TRPC5: variants seen among roughly 807,000 people sequenced by gnomAD.
TRPC5 encodes short transient receptor potential channel 5.
Under a neutral mutation model 56.5 loss-of-function variants are expected in TRPC5, and 9 were observed. The ratio of observed to expected loss-of-function variants is 0.16; its 90% CI spans 0.10 to 0.28. The LOEUF (loss-of-function observed/expected upper bound fraction) is 0.28. Ranked by LOEUF, TRPC5 falls within the 10% of genes least tolerant of loss-of-function variation. TRPC5 has a pLI of 1.00. For missense variants in TRPC5, 469 were observed against 748.9 expected (o/e 0.63, Z 4.36); for synonymous variants, 282 against 278.5 (o/e 1.01, Z -0.13).
intron 1 of TRPC5, among the ~76,000 whole-genome samples, chrX:111,971,418 T>C (rs1927781563): frequency 9.0e-6 from 1 of 111,518 alleles, no homozygotes; most frequent in Non-Finnish European, 1.9e-5. Flanking sequence ...CTTTTGACAC[T>C]GGGGCGGGGG....
At chrX:112,019,795 A>T in intron 1 of TRPC5, among the ~76,000 whole-genome samples, 2 of 111,315 alleles carry the variant, frequency 1.8e-5, no homozygotes. Context: ...GCCTTCTGGT[A>T]GTGATCATTG....
chrX:111,778,503 A>G (rs1341413967), intron 10 of TRPC5, among the ~76,000 whole-genome samples: 1 of 111,290 alleles, frequency 9.0e-6, no homozygotes, highest in Non-Finnish European at 1.9e-5. Flanking sequence ...GGTCTTGGGG[A>G]CAAAATTGCC....
chrX:111,833,356 A>C (rs752839213), intron 7 of TRPC5, among the ~76,000 whole-genome samples: 1 of 111,419 alleles, frequency 9.0e-6, no homozygotes, highest in Non-Finnish European at 1.9e-5. Flanking sequence ...TCAAGAGGGA[A>C]AAGTAAGTTA....
intron 1 of TRPC5, among the ~76,000 whole-genome samples, chrX:111,952,967 A>C (rs1188494860): frequency 8.9e-6 from 1 of 111,886 alleles, no homozygotes; most frequent in African/African-American, 3.3e-5. Flanking sequence ...AGTGATGCAA[A>C]GTTGGAAATC....
At chrX:111,872,023 C>T (rs1422394494) in intron 3 of TRPC5, among the ~76,000 whole-genome samples, 1 of 112,231 alleles carries the variant, frequency 8.9e-6, no homozygotes, top group East Asian at 2.8e-4. Flanking sequence ...CCTTTCCTCA[C>T]ACCTGTCTGC....
chrX:111,831,488 T>C (rs970702781), intron 7 of TRPC5, among the ~76,000 whole-genome samples: 1 of 111,746 alleles, frequency 8.9e-6, no homozygotes, highest in African/African-American at 3.3e-5. Flanking sequence ...CCTGCTATCT[T>C]GTGTTGCCAG....
intron 1 of TRPC5, among the ~76,000 whole-genome samples, chrX:112,067,174 G>A (rs893760000): frequency 8.9e-6 from 1 of 112,000 alleles, no homozygotes; most frequent in Non-Finnish European, 1.9e-5. Context: ...ATTCCTGCCT[G>A]CTTTCATCAC....
At position 111,772,522 on chromosome X, in the gene TRPC5, C is replaced by G. The variant is rs1945849244; in HGVS notation, c.*3791G>C. Among the ~76,000 whole-genome samples, 1 of 111,561 alleles carries G rather than the reference C, an allele frequency of 9.0e-6. No individual in the cohort carries two copies. The highest frequency in any genetic ancestry group is 1.9e-5 in the Non-Finnish European group (1 of 53,152). On this transcript the variant is annotated 3_prime_UTR_variant, in exon 11 of 11. Transcript: ENST00000262839. ...GATCTCAGTGCACTGCAACCTCTGC[C>G]TCCCAGGTTCAAGTGATTCTCATGC...
intron 3 of TRPC5, among the ~76,000 whole-genome samples, chrX:111,881,688 T>A (rs1172435271): frequency 9.0e-6 from 1 of 110,830 alleles, no homozygotes; most frequent in Non-Finnish European, 1.9e-5. Context: ...CTATAAGCAG[T>A]CTGTTTCCTG....
At chrX:111,833,405 G>C (rs1922469294) in intron 7 of TRPC5, among the ~76,000 whole-genome samples, 1 of 110,933 alleles carries the variant, frequency 9.0e-6, no homozygotes, top group Admixed American at 9.6e-5. Flanking sequence ...ACCATGATTA[G>C]AGTCCCTGGT....
intron 2 of TRPC5, among the ~76,000 whole-genome samples, chrX:111,929,555 G>T (rs2063734020): frequency 8.9e-6 from 1 of 112,345 alleles, no homozygotes; most frequent in African/African-American, 3.2e-5. Flanking sequence ...TTTTATGCTA[G>T]AAATGTGTCA....
chrX:112,044,412 C>T (rs1929970814), intron 1 of TRPC5, among the ~76,000 whole-genome samples: 1 of 111,820 alleles, frequency 8.9e-6, no homozygotes, highest in African/African-American at 3.2e-5. Context: ...TTTATTCTAG[C>T]TTGGGAAAAT....
intron 1 of TRPC5, among the ~76,000 whole-genome samples, chrX:112,075,232 G>A (rs181489981): frequency 9.8e-5 from 11 of 112,180 alleles, no homozygotes; most frequent in Non-Finnish European, 2.1e-4. Context: ...TTCAGGCCAC[G>A]TTCAGCATAA....
chrX:112,049,436 C>T (rs767224427), intron 1 of TRPC5, among the ~76,000 whole-genome samples: 9,428 of 105,213 alleles, frequency 0.09, 546 homozygotes, highest in African/African-American at 0.19. Flanking sequence ...TATATATACA[C>T]ACACACACAC....
chrX:111,907,125 A>AAG (rs1925655763), intron 3 of TRPC5, among the ~76,000 whole-genome samples: 2 of 109,861 alleles, frequency 1.8e-5, no homozygotes, highest in African/African-American at 6.6e-5. Context: ...AAAAAAAAAA[A>AAG]AAAGAAAATG....
At chrX:111,964,450 T>A (rs59506273) in intron 1 of TRPC5, among the ~76,000 whole-genome samples, 15,934 of 111,078 alleles carry the variant, frequency 0.14, 2,236 homozygotes, top group African/African-American at 0.44. Flanking sequence ...CAGGCCAACA[T>A]TCAGATTCAG....
intron 1 of TRPC5, among the ~76,000 whole-genome samples, chrX:111,971,079 C>T (rs2148648456): frequency 9.0e-6 from 1 of 111,591 alleles, no homozygotes; most frequent in African/African-American, 3.3e-5. Context: ...CGCCCGGCCA[C>T]ATTACCGCTT....
chrX:112,082,016 G>C lies in TRPC5; in HGVS notation c.-159C>G, dbSNP rs978880277. On this transcript the variant is annotated 5_prime_UTR_variant, in exon 1 of 11. Transcript: ENST00000262839. ...CGACTGGGACAGCCCGGGGCCTCTA[G>C]GCTGATGGGTGGGTGGGCGGATGAG... is the stretch of plus-strand genomic sequence containing the variant. 3 of 111,724 alleles carry C rather than the reference G, an allele frequency of 2.7e-5. No individual in the cohort carries two copies. Among genetic ancestry groups the C allele is most frequent in the Non-Finnish European group, 3.8e-5 (2 of 53,164 alleles). 9.2% of individuals were successfully genotyped at this position (111,724 alleles called of 1,213,427 possible). A position where few individuals can be genotyped will look rare whatever the true frequency, so the allele number is the denominator to read the frequency against.
At chrX:111,851,787 G>A (rs192603898) in intron 5 of TRPC5, among the ~76,000 whole-genome samples, 87 of 111,682 alleles carry the variant, frequency 7.8e-4, no homozygotes, top group African/African-American at 2.7e-3. Flanking sequence ...GGGAGAGATG[G>A]CATCATATCA....
Sources: gnomAD v4.1 joint callset for allele counts (sites outside exome capture counted in the v4.1 genomes callset) on GRCh38, gnomAD v4.1.1 for gene constraint, MANE v1.5 for transcripts, NCBI Gene and HGNC (gene_info 2026-07-23, HGNC 2026-07-21) for gene names.